CLVS1: variants seen among roughly 807,000 people sequenced by gnomAD.
CLVS1 encodes the protein clavesin 1, also known as clavesin-1.
A neutral mutation model predicts 33.1 loss-of-function variants in CLVS1; 10 were observed. That is an observed-to-expected ratio of 0.30 (90% confidence interval 0.19 to 0.51). The LOEUF (loss-of-function observed/expected upper bound fraction) is 0.51, where lower values mean the gene tolerates loss of function less well. CLVS1 is among the 20% of genes least tolerant of loss of function. The probability of loss-of-function intolerance (pLI) is 0.97; values close to 1 mark genes in which losing one functional copy is unlikely to be tolerated. For synonymous variants in CLVS1, 163 were observed against 166.1 expected (o/e 0.98, Z 0.14); for missense variants, 343 against 433.4 (o/e 0.79, Z 1.85).
intron 3 of CLVS1, among the ~76,000 whole-genome samples, chr8:61,389,757 A>G (rs1265998630): frequency 1.3e-5 from 2 of 152,182 alleles, no homozygotes; most frequent in Non-Finnish European, 2.9e-5. Flanking sequence ...AACAAGCATT[A>G]CTGAAGCCAG....
chr8:61,345,454 C>T (rs746647074), intron 2 of CLVS1, among the ~76,000 whole-genome samples: 8 of 152,136 alleles, frequency 5.3e-5, no homozygotes, highest in Non-Finnish European at 1.2e-4. Flanking sequence ...GGAAAGCTCA[C>T]GGATGCAGAG....
At chr8:61,360,539 G>A (rs1351884560) in intron 2 of CLVS1, among the ~76,000 whole-genome samples, 2 of 152,200 alleles carry the variant, frequency 1.3e-5, no homozygotes, top group Non-Finnish European at 2.9e-5. Context: ...CTTTTGGCTT[G>A]TAAATGAATA....
intron 2 of CLVS1, among the ~76,000 whole-genome samples, chr8:61,158,112 T>C (rs1806684107): frequency 1.3e-5 from 2 of 152,168 alleles, no homozygotes; most frequent in Admixed American, 1.3e-4. Context: ...ATTCAGGTGA[T>C]GAAATATTAC....
At chr8:61,106,953 C>G (rs1427082043) in intron 1 of CLVS1, among the ~76,000 whole-genome samples, 1 of 152,148 alleles carries the variant, frequency 6.6e-6, no homozygotes, top group African/African-American at 2.4e-5. Context: ...TTCCATGTGA[C>G]AACTTGCCTG....
chr8:61,327,481 A>G (rs1811426891), intron 2 of CLVS1, among the ~76,000 whole-genome samples: 1 of 152,150 alleles, frequency 6.6e-6, no homozygotes, highest in African/African-American at 2.4e-5. Context: ...CAACGTCTAC[A>G]TATTATCTAC....
intron 2 of CLVS1, among the ~76,000 whole-genome samples, chr8:61,169,501 C>A (rs1491002534): frequency 1.3e-5 from 2 of 152,156 alleles, no homozygotes; most frequent in East Asian, 3.8e-4. Context: ...ACAGGCTGTT[C>A]ATTTATTCTT....
At chr8:61,156,128 C>T (rs886837363) in intron 2 of CLVS1, among the ~76,000 whole-genome samples, 45 of 149,636 alleles carry the variant, frequency 3.0e-4, no homozygotes, top group African/African-American at 9.6e-4. Context: ...GCAGGAGGAT[C>T]GCTTGAACCC....
intron 2 of CLVS1, among the ~76,000 whole-genome samples, chr8:61,337,066 C>T (rs763928748): frequency 2.0e-4 from 31 of 152,258 alleles, no homozygotes; most frequent in African/African-American, 5.1e-4. Context: ...TGCTTGACTA[C>T]GGTAACTGAC....
intron 3 of CLVS1, among the ~76,000 whole-genome samples, chr8:61,412,500 G>T (rs968116329): frequency 6.6e-6 from 1 of 152,194 alleles, no homozygotes; most frequent in African/African-American, 2.4e-5. Context: ...ATCTACTGTG[G>T]CTATAAGAAG....
At chr8:61,214,875 T>C (rs1808052045) in intron 2 of CLVS1, among the ~76,000 whole-genome samples, 1 of 152,230 alleles carries the variant, frequency 6.6e-6, no homozygotes, top group Middle Eastern at 3.2e-3. Flanking sequence ...ACTGGCATTC[T>C]GGTTAATGCA....
At chr8:61,413,002 T>C (rs1253244722) in intron 3 of CLVS1, among the ~76,000 whole-genome samples, 7 of 152,222 alleles carry the variant, frequency 4.6e-5, no homozygotes, top group Non-Finnish European at 7.4e-5. Flanking sequence ...TCCTGACTTA[T>C]GTTTAGAAGC....
At chr8:61,035,161 C>CTTTCT in the CLVS1 span, among the ~76,000 whole-genome samples, 15 of 140,962 alleles carry the variant, frequency 1.1e-4, no homozygotes, top group East Asian at 1.3e-3. Context: ...TTTCATTTTT[C>CTTTCT]TTTCTTTTCT....
At chr8:61,231,390 A>G in intron 2 of CLVS1, among the ~76,000 whole-genome samples, 1 of 152,184 alleles carries the variant, frequency 6.6e-6, no homozygotes, top group East Asian at 1.9e-4. Context: ...GGGGAGTTGT[A>G]ATAGAATTTC....
chr8:61,000,843 C>A, the CLVS1 span, among the ~76,000 whole-genome samples: 2 of 152,088 alleles, frequency 1.3e-5, no homozygotes, highest in Non-Finnish European at 2.9e-5. Flanking sequence ...AGGTATTTGG[C>A]AAGTGATTGA....
chr8:61,085,861 A>C (rs1805112305), intron 1 of CLVS1, among the ~76,000 whole-genome samples: 1 of 151,662 alleles, frequency 6.6e-6, no homozygotes, highest in Admixed American at 6.6e-5. Context: ...ACCTCTACTA[A>C]AAATACAAAA....
chr8:61,455,779 T>C (rs1817129362), intron 4 of CLVS1, among the ~76,000 whole-genome samples: 1 of 152,200 alleles, frequency 6.6e-6, no homozygotes. Context: ...GGAATAGCTC[T>C]GAGTATTCAG....
At chr8:60,999,679 A>G in the CLVS1 span, among the ~76,000 whole-genome samples, 1 of 152,254 alleles carries the variant, frequency 6.6e-6, no homozygotes, top group Non-Finnish European at 1.5e-5. Context: ...GATGATTAAT[A>G]AAGCAAGAGG....
At chr8:61,132,865 G>A (rs907406962) in intron 2 of CLVS1, among the ~76,000 whole-genome samples, 1 of 152,190 alleles carries the variant, frequency 6.6e-6, no homozygotes, top group Non-Finnish European at 1.5e-5. Flanking sequence ...TAGTGGAGGG[G>A]GCATTTGGTT....
chr8:61,032,078 C>A, the CLVS1 span, among the ~76,000 whole-genome samples: 2 of 152,184 alleles, frequency 1.3e-5, no homozygotes, highest in Non-Finnish European at 2.9e-5. Flanking sequence ...AGTGTGGGAA[C>A]AGGTTGTACA....
Sources: gnomAD v4.1 joint callset for allele counts (sites outside exome capture counted in the v4.1 genomes callset) on GRCh38, gnomAD v4.1.1 for gene constraint, MANE v1.5 for transcripts, NCBI Gene and HGNC (gene_info 2026-07-23, HGNC 2026-07-21) for gene names.